BCAR3: variants seen among roughly 807,000 people sequenced by gnomAD.
The protein encoded by BCAR3 is BCAR3 adaptor protein, NSP family member.
Under a neutral mutation model 80.1 loss-of-function variants are expected in BCAR3, and 37 were observed. That is an observed-to-expected ratio of 0.46 (90% CI 0.36 to 0.61). The LOEUF is 0.61. Among genes scored for constraint, BCAR3 ranks in the 20% least tolerant of loss-of-function variants. The pLI is 0.00. For missense variants in BCAR3, 978 were observed against 1,068.2 expected, an observed-to-expected ratio of 0.92 and a Z score of 1.18; for synonymous variants, 389 against 418.9, an observed-to-expected ratio of 0.93 and a Z score of 0.87.
chr1:93,847,832 C>G (rs1211814954), upstream of BCAR3: 1 of 166,188 alleles, frequency 6.0e-6, no homozygotes, highest in African/African-American at 2.4e-5. Context: ...CCCTCAGCTC[C>G]CCGGGCCTCG....
intron 4 of BCAR3, among the ~76,000 whole-genome samples, chr1:93,589,944 C>T (rs1047104529): frequency 2.6e-5 from 4 of 152,142 alleles, no homozygotes; most frequent in African/African-American, 9.7e-5. Context: ...CTGATTTTCC[C>T]TCCCCAACAA....
At chr1:93,845,023 G>A (rs1454358625) in intron 2 of BCAR3, among the ~76,000 whole-genome samples, 1 of 152,034 alleles carries the variant, frequency 6.6e-6, no homozygotes, top group African/African-American at 2.4e-5. Context: ...TCATCTAGTG[G>A]AATAAAATAT....
intron 2 of BCAR3, among the ~76,000 whole-genome samples, chr1:93,781,779 G>A (rs1335548089): frequency 1.3e-5 from 2 of 152,092 alleles, no homozygotes; most frequent in Non-Finnish European, 2.9e-5. Context: ...TGCTGTTTGG[G>A]TTTTTAGATT....
intron 2 of BCAR3, among the ~76,000 whole-genome samples, chr1:93,725,367 C>G (rs776844650): frequency 2.0e-5 from 3 of 152,184 alleles, no homozygotes; most frequent in African/African-American, 7.2e-5. Context: ...AATGGCCCAG[C>G]CTGCCTGTAC....
At chr1:93,606,326 C>T (rs1487911974) in intron 3 of BCAR3, among the ~76,000 whole-genome samples, 1 of 152,298 alleles carries the variant, frequency 6.6e-6, no homozygotes, top group East Asian at 1.9e-4. Flanking sequence ...TGAGTTCATA[C>T]AGCATTCCTG....
intron 2 of BCAR3, among the ~76,000 whole-genome samples, chr1:93,836,233 C>A (rs980624654): frequency 6.6e-6 from 1 of 152,184 alleles, no homozygotes; most frequent in Non-Finnish European, 1.5e-5. Flanking sequence ...TCATTTCAGA[C>A]ATCAGCCCAA....
At chr1:93,847,439 G>A (rs1443870479), upstream of BCAR3, 1 of 152,744 alleles carries the variant, frequency 6.5e-6, no homozygotes, top group Non-Finnish European at 1.5e-5. Context: ...TGCGGCTGGC[G>A]TTTGAGGCGG....
At chr1:93,724,820 G>A (rs754693606) in intron 2 of BCAR3, among the ~76,000 whole-genome samples, 1 of 152,190 alleles carries the variant, frequency 6.6e-6, no homozygotes, top group African/African-American at 2.4e-5. Flanking sequence ...GCTGGTGGAG[G>A]TGTCCTCAAG....
intron 2 of BCAR3, among the ~76,000 whole-genome samples, chr1:93,711,179 G>A (rs1418943494): frequency 6.6e-6 from 1 of 152,234 alleles, no homozygotes; most frequent in East Asian, 1.9e-4. Context: ...ATGTGCCATT[G>A]TTACACAGAC....
intron 2 of BCAR3, among the ~76,000 whole-genome samples, chr1:93,839,496 A>T (rs1342044277): frequency 6.6e-6 from 1 of 152,182 alleles, no homozygotes; most frequent in Non-Finnish European, 1.5e-5. Flanking sequence ...TTTCTTTATC[A>T]ATCAGCTTGG....
At chr1:93,600,991 T>G (rs1674603755) in intron 3 of BCAR3, among the ~76,000 whole-genome samples, 1 of 152,012 alleles carries the variant, frequency 6.6e-6, no homozygotes, top group Non-Finnish European at 1.5e-5. Context: ...TCACATTGGG[T>G]GTGGAGGAGA....
chr1:93,648,311 G>A lies in BCAR3; in HGVS notation c.318-5968C>T, dbSNP rs1557639099. On this transcript the variant is annotated intron_variant, in intron 2 of 11. Coordinates refer to ENST00000260502, the MANE Select transcript of BCAR3 (RefSeq NM_003567.4). The stretch of plus-strand genomic sequence containing the variant: ...TAGTGAGAGGCATAATGGGATGGAG[G>A]AGAGAGGTGCTATGTGTAGAGGTAA... Among the ~76,000 whole-genome samples the A allele has an allele frequency of 2.6e-5, 4 of 152,180 alleles. No homozygotes were observed. The South Asian group carries it at 6.2e-4, about 24-fold the overall frequency.
intron 2 of BCAR3, chr1:93,775,589 C>A (rs563091832): frequency 6.6e-6 from 1 of 152,234 alleles, no homozygotes; most frequent in South Asian, 2.1e-4. Flanking sequence ...CAAGAAGGTG[C>A]ATGGCAGCAT....
intron 2 of BCAR3, among the ~76,000 whole-genome samples, chr1:93,843,455 C>T (rs1034437421): frequency 6.6e-6 from 1 of 152,162 alleles, no homozygotes; most frequent in African/African-American, 2.4e-5. Context: ...TCTTGCAATT[C>T]TCATAACAAT....
In BCAR3 at chr1:93,730,809, C is replaced by A. The variant is rs1182919010; in HGVS notation, c.-62-24667G>T. On this transcript the variant is annotated intron_variant, in intron 2 of 13. Transcript: ENST00000370244. ...TCCCTCATCCGGAAGGTGGAGCTTACCTCCTTCCCCCACCTCCCTTGAGTG... is the reference window on the plus strand; with the variant it reads ...TCCCTCATCCGGAAGGTGGAGCTTAACTCCTTCCCCCACCTCCCTTGAGTG... 2.6e-5 allele frequency among the ~76,000 whole-genome samples: 4 copies of A among 152,186 alleles called. No individual in the cohort carries two copies. The East Asian group carries it at 7.7e-4, about 29-fold the overall frequency.
upstream of BCAR3, among the ~76,000 whole-genome samples, chr1:93,684,068 A>T (rs1423194589): frequency 6.6e-6 from 1 of 152,168 alleles, no homozygotes; most frequent in Non-Finnish European, 1.5e-5. Flanking sequence ...TTTGTGGGTT[A>T]GTCTTTATCC....
intron 3 of BCAR3, among the ~76,000 whole-genome samples, chr1:93,619,669 G>C (rs1675251363): frequency 6.6e-6 from 1 of 152,208 alleles, no homozygotes; most frequent in Non-Finnish European, 1.5e-5. Flanking sequence ...TGCAGAAATG[G>C]GCAGACGGGC....
intron 7 of BCAR3, among the ~76,000 whole-genome samples, chr1:93,576,498 C>T (rs958554536): frequency 4.6e-5 from 7 of 152,192 alleles, no homozygotes; most frequent in African/African-American, 1.2e-4. Context: ...TGCATGTGTT[C>T]GGAGCTGACC....
intron 11 of BCAR3, among the ~76,000 whole-genome samples, chr1:93,565,100 C>CTT (rs1160258864): frequency 1.4e-5 from 2 of 144,688 alleles, no homozygotes; most frequent in African/African-American, 2.5e-5. Flanking sequence ...CAGATGGTGA[C>CTT]TTTTTTTTTT....
Sources: gnomAD v4.1 joint callset for allele counts (sites outside exome capture counted in the v4.1 genomes callset) on GRCh38, gnomAD v4.1.1 for gene constraint, MANE v1.5 for transcripts, NCBI Gene and HGNC (gene_info 2026-07-23, HGNC 2026-07-21) for gene names.